Variants in CMPK2 observed in about 807,000 individuals in gnomAD.
CMPK2 encodes the protein cytidine/uridine monophosphate kinase 2.
Under a neutral mutation model 33.4 loss-of-function variants are expected in CMPK2, and 32 were observed. The observed-to-expected ratio is 0.96, with a 90% CI of 0.72 to 1.29. CMPK2 has a LOEUF of 1.29. Ranked by LOEUF, CMPK2 falls within the 50% of genes most tolerant of loss-of-function variation. CMPK2 has a pLI of 0.00. For synonymous variants in CMPK2, 299 were observed against 275.3 expected (o/e 1.09, Z -0.85); for missense variants, 672 against 616.0 (o/e 1.09, Z -0.96).
In CMPK2 at chr2:6,849,204, A is replaced by AT; in HGVS notation, c.*645dup. Reference sequence around the variant, plus strand: ...CATCTTGGCTTGAATGTCTTTATATATGACTCAGAAGCCTATCAAAAGGGC... The same window carrying AT: ...CATCTTGGCTTGAATGTCTTTATATATTGACTCAGAAGCCTATCAAAAGGGC... On this transcript the variant is annotated 3_prime_UTR_variant, in exon 5 of 5. Coordinates refer to ENST00000256722, the MANE Select transcript of CMPK2 (RefSeq NM_207315.4). 1 of 985,448 alleles carries AT rather than the reference A, an allele frequency of 1.0e-6. No individual in the cohort carries two copies. Among genetic ancestry groups the AT allele is most frequent in the Non-Finnish European group, 1.2e-6 (1 of 829,922 alleles). 61.0% of individuals were successfully genotyped at this position (985,448 alleles called of 1,614,324 possible). A position where few individuals can be genotyped will look rare whatever the true frequency, so the allele number is the denominator to read the frequency against.
rs1361249526 is a variant in CMPK2 at position 6,863,464 on chromosome 2, C to T, written c.790G>A (p.Gly264Ser). The T allele has an allele frequency of 3.1e-6, 5 of 1,611,816 alleles. No homozygotes were observed. Among genetic ancestry groups the T allele is most frequent in the Admixed American group, 1.7e-5 (1 of 59,930 alleles). The change falls in exon 2 of 5, where the codon GGT becomes AGT. Residue 264 changes from glycine (G) to serine (S), a missense_variant and splice_region_variant. Transcript: ENST00000256722. ...TAACTAAAAGGTAATATTATCTTAC[C>T]CGTGGCATCCAGTCCTTCGATGGCA... The part of the protein sequence containing the change: ...VVAIEGLDAT[G>S]KTTVTQSVAD...
intron 4 of CMPK2, chr2:6,850,613 G>A: frequency 2.4e-6 from 1 of 420,012 alleles, no homozygotes; most frequent in Non-Finnish European, 3.2e-6. Context: ...CTGTGTCTCA[G>A]TTTCCTGTTC....
chr2:6,859,652 G>T (rs973045792), intron 3 of CMPK2, among the ~76,000 whole-genome samples: 3 of 152,318 alleles, frequency 2.0e-5, no homozygotes, highest in South Asian at 2.1e-4. Context: ...TGGAGGTTTG[G>T]GAACCTCCGC....
At chr2:6,856,970 T>C (rs183197131) in intron 3 of CMPK2, among the ~76,000 whole-genome samples, 105 of 152,376 alleles carry the variant, frequency 6.9e-4, no homozygotes, top group Middle Eastern at 3.4e-3. Flanking sequence ...AAGAAACTTT[T>C]GTGAGTGTTT....
chr2:6,865,407 C>G lies in CMPK2; in HGVS notation c.290G>C (p.Arg97Pro). 4.5e-6 allele frequency: 6 copies of G among 1,336,802 alleles called. No individual in the cohort carries two copies. The highest frequency in any genetic ancestry group is 1.5e-5 in the African/African-American group (1 of 64,916). 82.8% of individuals were successfully genotyped at this position (1,336,802 alleles called of 1,614,324 possible). The change falls in exon 1 of 5, where the codon CGC becomes CCC. Residue 97 changes from arginine (R) to proline (P), a missense_variant. Physicochemically the swap from Arg to Pro is moderately radical, Grantham distance 103. Transcript: ENST00000256722. ...GCCGCGGCGCAGCTGGTGCAGCAGG[C>G]GCTGGTGCAGCCGCGCCGCCCGGAC... is the stretch of plus-strand genomic sequence containing the variant. ...ARVRAARLHQ[R>P]LLHQLRRGPF...
chr2:6,860,008 C>T (rs2712045), intron 3 of CMPK2, among the ~76,000 whole-genome samples: 145,227 of 152,326 alleles, frequency 0.95, 69,597 homozygotes, highest in East Asian at 1. Context: ...TGCATCAGCA[C>T]GATCTGGACA....
In CMPK2 at chr2:6,865,160, C is replaced by T; in HGVS notation, c.537G>A (p.Val179=). 2 of 1,535,408 alleles carry T rather than the reference C, an allele frequency of 1.3e-6. No individual in the cohort carries two copies. The highest frequency in any genetic ancestry group is 1.8e-6 in the Non-Finnish European group (2 of 1,142,758). ...CCACCTGCAGCCGCCTGCCGTCTTG[C>T]ACCTCCCAGAGGCGCTGCCACAGCT... ...RGQLWQRLWE[V]QDGRRLQVGC... The change falls in exon 1 of 5, where the codon GTG becomes GTA. Residue 179 remains valine (V), a synonymous_variant. Coordinates refer to ENST00000256722, the MANE Select transcript of CMPK2 (RefSeq NM_207315.4).
At chr2:6,865,973 C>A, upstream of CMPK2, 1 of 967,376 alleles carries the variant, frequency 1.0e-6, no homozygotes, top group Non-Finnish European at 1.4e-6. Flanking sequence ...CGCGGCTCCG[C>A]GGGCCTGCGC....
chr2:6,865,327 C>G lies in CMPK2; in HGVS notation c.370G>C (p.Ala124Pro), dbSNP rs1159566715. The G allele has an allele frequency of 1.3e-6, 2 of 1,491,960 alleles. No individual in the cohort carries two copies. The highest frequency in any genetic ancestry group is 2.2e-5 in the Admixed American group (1 of 46,228). 92.4% of individuals were successfully genotyped at this position (1,491,960 alleles called of 1,614,324 possible). A position where few individuals can be genotyped will look rare whatever the true frequency, so the allele number is the denominator to read the frequency against. Reference protein sequence around the residue: ...RLLCYCPGGQAGGAQQGFLLR... With the variant: ...RLLCYCPGGQPGGAQQGFLLR... The stretch of plus-strand genomic sequence containing the variant: ...AGGAAGCCTTGCTGTGCGCCGCCGG[C>G]CTGGCCGCCCGGGCAGTAGCAGAGC... Residue 124 changes from alanine (A) to proline (P), a missense_variant, in exon 1 of 5, where the codon GCC (alanine) becomes CCC (proline). Ala to Pro is a conservative substitution (Grantham distance 27). Transcript: ENST00000256722.
chr2:6,848,477 T>C lies in CMPK2; in HGVS notation c.*1373A>G, dbSNP rs1662417899. On this transcript the variant is annotated 3_prime_UTR_variant, in exon 5 of 5. Transcript: ENST00000256722. ...CACATTGCAAAGAACCCTAATGCTA[T>C]TTATCAGCTTTAAAATACTTTCAAC... The C allele has an allele frequency of 1.0e-6, 1 of 977,742 alleles. No individual in the cohort carries two copies. The highest frequency in any genetic ancestry group is 1.2e-6 in the Non-Finnish European group (1 of 823,044). 60.6% of individuals were successfully genotyped at this position (977,742 alleles called of 1,614,324 possible). A position where few individuals can be genotyped will look rare whatever the true frequency, so the allele number is the denominator to read the frequency against.
chr2:6,843,733 TC>T (rs1300398514), downstream of CMPK2, among the ~76,000 whole-genome samples: 1 of 152,016 alleles, frequency 6.6e-6, no homozygotes, highest in Non-Finnish European at 1.5e-5. Context: ...AAATAGCAAT[TC>T]CCCCCTACTA....
chr2:6,845,507 C>T (rs1662335861), downstream of CMPK2, among the ~76,000 whole-genome samples: 1 of 152,144 alleles, frequency 6.6e-6, no homozygotes, highest in African/African-American at 2.4e-5. Flanking sequence ...TCATAGGTGC[C>T]GCCCCATGGA....
upstream of CMPK2, chr2:6,866,132 G>C (rs796105605): frequency 2.8e-5 from 6 of 217,560 alleles, no homozygotes; most frequent in African/African-American, 7.1e-5. Flanking sequence ...GTGCATGGAG[G>C]GGGGCGGGGG....
rs1663046302 is a variant in CMPK2 at position 6,865,468 on chromosome 2, C to G, written c.229G>C (p.Val77Leu). ...GPPERSYSLC[V>L]PVTPDAGCGA... is the part of the protein sequence containing the mutation. ...CAGCCGGCGTCCGGGGTCACGGGCA[C>G]GCACAGCGAGTAGCTGCGCTCCGGG... is the stretch of plus-strand genomic sequence containing the variant. The change falls in exon 1 of 5, where the codon GTG (valine) becomes CTG (leucine). Residue 77 changes from valine (V) to leucine (L), a missense_variant. Physicochemically the swap from Val to Leu is conservative, Grantham distance 32. Coordinates refer to ENST00000256722, the MANE Select transcript of CMPK2 (RefSeq NM_207315.4). 5.5e-6 allele frequency: 7 copies of G among 1,276,934 alleles called. No homozygotes were observed. The highest frequency in any genetic ancestry group is 5.9e-6 in the Non-Finnish European group (6 of 1,016,924). The allele number at this position is 1,276,934 out of a possible 1,614,324, so 79.1% of individuals were successfully genotyped here.
In CMPK2 at chr2:6,849,552, C is replaced by G. The variant is rs924580211; in HGVS notation, c.*298G>C. The G allele has an allele frequency of 8.8e-7, 1 of 1,130,902 alleles. No individual in the cohort carries two copies. The highest frequency in any genetic ancestry group is 1.1e-6 in the Non-Finnish European group (1 of 921,430). 70.1% of individuals were successfully genotyped at this position (1,130,902 alleles called of 1,614,324 possible). A position where few individuals can be genotyped will look rare whatever the true frequency, so the allele number is the denominator to read the frequency against. On this transcript the variant is annotated 3_prime_UTR_variant, in exon 5 of 5. Coordinates refer to ENST00000256722, the MANE Select transcript of CMPK2 (RefSeq NM_207315.4). The stretch of plus-strand genomic sequence containing the variant: ...GTGCTGTCTGAGTAAGACAGGTCTT[C>G]CAGATATTTGGTAGTGATTAAGTGA...
chr2:6,850,064 G>A (rs1375248299), intron 4 of CMPK2, 91 bp from the exon 5 acceptor site: 2 of 959,448 alleles, frequency 2.1e-6, no homozygotes, highest in Non-Finnish European at 3.2e-6. Flanking sequence ...TAAATAGCTT[G>A]AAGCAAGCTT....
intron 3 of CMPK2, among the ~76,000 whole-genome samples, chr2:6,851,943 C>T (rs1289034794): frequency 6.6e-6 from 1 of 152,206 alleles, no homozygotes. Context: ...TTTAGTGTGG[C>T]CTCCCCTCTG....
intron 1 of CMPK2, 73 bp downstream of exon 1, chr2:6,864,949 C>A: frequency 7.4e-7 from 1 of 1,347,152 alleles, no homozygotes; most frequent in Non-Finnish European, 9.6e-7. Context: ...TACAGACCAG[C>A]CTCTTGGTCC....
At chr2:6,850,500 T>G (rs983352433) in intron 4 of CMPK2, 1 of 153,268 alleles carries the variant, frequency 6.5e-6, no homozygotes, top group African/African-American at 2.4e-5. Context: ...GGAATCCTTA[T>G]AGCACTGTGG....
Sources: gnomAD v4.1 joint callset for allele counts (sites outside exome capture counted in the v4.1 genomes callset) on GRCh38, gnomAD v4.1.1 for gene constraint, MANE v1.5 for transcripts, NCBI Gene and HGNC (gene_info 2026-07-23, HGNC 2026-07-21) for gene names.